The following ZC4H2 variants were observed in gnomAD, a reference collection of about 807,000 sequenced individuals.
ZC4H2 encodes zinc finger C4H2 domain-containing protein.
For missense variants in ZC4H2, 137 were observed against 173.9 expected (o/e 0.79, Z 1.19); for synonymous variants, 84 against 66.3 (o/e 1.27, Z -1.30).
intron 1 of ZC4H2, among the ~76,000 whole-genome samples, chrX:64,973,615 C>T (rs1037126475): frequency 2.7e-5 from 3 of 110,653 alleles, no homozygotes; most frequent in Admixed American, 9.7e-5. Flanking sequence ...ATTAACCATG[C>T]TTTTGCTTAC....
chrX:65,027,297 T>C (rs1932889529), intron 1 of ZC4H2, among the ~76,000 whole-genome samples: 2 of 111,736 alleles, frequency 1.8e-5, no homozygotes, highest in South Asian at 7.5e-4. Flanking sequence ...CTGAAACGTT[T>C]TTAGCAGGGA....
chrX:64,948,220 T>A (rs1270195969), intron 1 of ZC4H2, among the ~76,000 whole-genome samples: 1 of 111,768 alleles, frequency 8.9e-6, no homozygotes, highest in Non-Finnish European at 1.9e-5. Context: ...ACTTGGTTTA[T>A]AAGTCACTAT....
At chrX:65,012,821 T>A (rs1172348863) in intron 1 of ZC4H2, among the ~76,000 whole-genome samples, 2 of 112,006 alleles carry the variant, frequency 1.8e-5, no homozygotes, top group Non-Finnish European at 1.9e-5. Flanking sequence ...CTCCATGTGC[T>A]TGCAAGGTGT....
chrX:64,924,594 A>C (rs1268297098), intron 1 of ZC4H2, among the ~76,000 whole-genome samples: 1 of 111,796 alleles, frequency 8.9e-6, no homozygotes, highest in African/African-American at 3.3e-5. Flanking sequence ...TATAGGGTAA[A>C]GGGGACAGTC....
rs745308319 is a variant in ZC4H2 at position 64,990,405 on chromosome X, TG to T, written c.-272+44223del. ...TAGGTGTGGCTATAAAAGGGCAATA[TG>T]AGGGTTCCTTGTGGTGGTGGAAATG... is the stretch of plus-strand genomic sequence containing the variant. On this transcript the variant is annotated intron_variant, in intron 1 of 4. Coordinates refer to the ZC4H2 transcript ENST00000337990. 2.7e-5 allele frequency among the ~76,000 whole-genome samples: 3 copies of T among 111,129 alleles called. No homozygotes were observed. The South Asian group carries it at 1.2e-3, about 44-fold the overall frequency.
At chrX:64,950,571 C>A (rs1041025749) in intron 1 of ZC4H2, among the ~76,000 whole-genome samples, 1 of 111,011 alleles carries the variant, frequency 9.0e-6, no homozygotes, top group African/African-American at 3.3e-5. Flanking sequence ...GTTAGCTCTT[C>A]TTGTTGAATT....
chrX:64,974,685 C>A (rs954192709), intron 1 of ZC4H2, among the ~76,000 whole-genome samples: 2 of 110,758 alleles, frequency 1.8e-5, no homozygotes, highest in Admixed American at 1.9e-4. Flanking sequence ...TGATTCCATC[C>A]TAGCTGGTTG....
chrX:64,917,490 A>G lies in ZC4H2; in HGVS notation c.*293T>C, dbSNP rs1928986212. 1 of 257,809 alleles carries G rather than the reference A, an allele frequency of 3.9e-6. No homozygotes were observed. 21.2% of individuals were successfully genotyped at this position (257,809 alleles called of 1,213,427 possible). Reference sequence around the variant, plus strand: ...TCAGGCACAAGAGATAGAGAATCATATCTGAGCCTTTTGCCCTTCCCTTAG... The same window carrying G: ...TCAGGCACAAGAGATAGAGAATCATGTCTGAGCCTTTTGCCCTTCCCTTAG... On this transcript the variant is annotated 3_prime_UTR_variant, in exon 5 of 5. Coordinates refer to ENST00000374839, the MANE Select transcript of ZC4H2 (RefSeq NM_018684.4).
chrX:64,973,133 A>T (rs759689893), intron 1 of ZC4H2, among the ~76,000 whole-genome samples: 131 of 111,178 alleles, frequency 1.2e-3, no homozygotes, highest in African/African-American at 4.0e-3. Flanking sequence ...TTTGCAAGGT[A>T]TTTAGACTAT....
intron 1 of ZC4H2, among the ~76,000 whole-genome samples, chrX:64,982,095 G>A (rs980921008): frequency 2.7e-5 from 3 of 111,421 alleles, no homozygotes; most frequent in African/African-American, 9.8e-5. Context: ...AAACCCTAGT[G>A]TAAAAAATCC....
At chrX:64,970,661 C>T (rs1406410515) in intron 1 of ZC4H2, among the ~76,000 whole-genome samples, 1 of 111,532 alleles carries the variant, frequency 9.0e-6, no homozygotes, top group African/African-American at 3.3e-5. Context: ...CTGGGGAACT[C>T]GAGAAGGTTT....
chrX:64,937,527 A>C (rs767922747), intron 1 of ZC4H2, among the ~76,000 whole-genome samples: 1 of 111,864 alleles, frequency 8.9e-6, no homozygotes, highest in South Asian at 3.7e-4. Context: ...AATTTACCAC[A>C]TAATTAGAAG....
At chrX:65,019,305 G>T (rs767894008) in intron 1 of ZC4H2, among the ~76,000 whole-genome samples, 1 of 111,951 alleles carries the variant, frequency 8.9e-6, no homozygotes, top group Non-Finnish European at 1.9e-5. Flanking sequence ...CGTCTGTCAG[G>T]TGCCCCTCTG....
intron 1 of ZC4H2, among the ~76,000 whole-genome samples, chrX:64,957,595 C>T (rs1291592364): frequency 1.8e-5 from 2 of 110,955 alleles, no homozygotes; most frequent in Non-Finnish European, 3.8e-5. Context: ...CACAGTGGCT[C>T]AAGTCTGTAA....
Position 64,961,142 on chromosome X carries a change from T to A in ZC4H2, c.53+15183A>T, listed in dbSNP as rs773711051. On this transcript the variant is annotated intron_variant, in intron 1 of 4. Transcript: ENST00000374839. ...GTTCAGTGTTCTGATATTGGGTGTA[T>A]ATATATTTATAATTGTTGCATATTT... is the stretch of plus-strand genomic sequence containing the variant. 1.5e-4 allele frequency among the ~76,000 whole-genome samples: 17 copies of A among 111,821 alleles called. No homozygotes were observed. The East Asian group carries it at 4.5e-3, about 29-fold the overall frequency.
intron 1 of ZC4H2, among the ~76,000 whole-genome samples, chrX:65,017,306 G>C (rs1339118286): frequency 1.8e-5 from 2 of 111,932 alleles, no homozygotes; most frequent in Non-Finnish European, 3.8e-5. Flanking sequence ...CTGCACAACA[G>C]TTCAAACATT....
At chrX:64,999,178 G>A (rs1932484139) in intron 1 of ZC4H2, among the ~76,000 whole-genome samples, 1 of 109,062 alleles carries the variant, frequency 9.2e-6, no homozygotes, top group Non-Finnish European at 1.9e-5. Flanking sequence ...TCTCCGGTCT[G>A]CAGATCCCAG....
chrX:65,016,320 A>C (rs1452885832), intron 1 of ZC4H2, among the ~76,000 whole-genome samples: 1 of 111,855 alleles, frequency 8.9e-6, no homozygotes, highest in Non-Finnish European at 1.9e-5. Flanking sequence ...TGCTTTTCTG[A>C]TAAAAGAGAC....
At chrX:64,999,944 G>C (rs1932502669) in intron 1 of ZC4H2, among the ~76,000 whole-genome samples, 1 of 112,149 alleles carries the variant, frequency 8.9e-6, no homozygotes, top group African/African-American at 3.2e-5. Flanking sequence ...GCCCCAGTCA[G>C]GGGCTTATAG....
Sources: allele counts gnomAD v4.1 joint callset (sites outside exome capture counted in the v4.1 genomes callset), GRCh38; gene constraint gnomAD v4.1.1; transcripts MANE v1.5; gene names NCBI Gene and HGNC (gene_info 2026-07-23, HGNC 2026-07-21).